ITGA7: variants seen among roughly 807,000 people sequenced by gnomAD.
ITGA7 encodes the protein integrin alpha-7.
A neutral mutation model predicts 131.6 loss-of-function variants in ITGA7; 84 were observed. The observed-to-expected ratio is 0.64, with a 90% CI of 0.54 to 0.77. ITGA7 has a LOEUF of 0.77. Ranked by LOEUF, ITGA7 falls within the 30% of genes least tolerant of loss-of-function variation. The probability of loss-of-function intolerance (pLI) is 0.00; values close to 1 mark genes in which losing one functional copy is unlikely to be tolerated. For synonymous variants in ITGA7, 548 were observed against 600.7 expected, an observed-to-expected ratio of 0.91 and a Z score of 1.28; for missense variants, 1,399 against 1,482.9, an observed-to-expected ratio of 0.94 and a Z score of 0.93.
chr12:55,700,739 C>T (rs1405419911), intron 4 of ITGA7, 160 bp downstream of exon 4: 7 of 913,674 alleles, frequency 7.7e-6, no homozygotes, highest in Non-Finnish European at 1.0e-5. Flanking sequence ...ACCCCCCATT[C>T]ATGTGTGCAC....
Position 55,702,886 on chromosome 12 carries a change from C to A in ITGA7, c.400G>T (p.Gly134Trp). The A allele has an allele frequency of 6.2e-7, 1 of 1,613,084 alleles. No homozygotes were observed. The highest frequency in any genetic ancestry group is 1.1e-5 in the South Asian group (1 of 91,080). The change falls in exon 3 of 25, where the codon GGG becomes TGG. Residue 134 changes from glycine to tryptophan, a missense_variant. Gly to Trp is a radical substitution (Grantham distance 184). Coordinates refer to ENST00000257879, the MANE Select transcript of ITGA7 (RefSeq NM_002206.3). ...LGVSVRSQGP[G>W]GKIVTCAHRY... The stretch of plus-strand genomic sequence containing the variant: ...GCAATACTCACAACAATCTTGCCCC[C>A]AGGCCCCTGGCTCCGAACACTGACT...
chr12:55,694,211 A>G lies in ITGA7; in HGVS notation c.2432+45T>C, dbSNP rs779182568. The stretch of plus-strand genomic sequence containing the variant: ...CCCTGGCCAAGGTTTGGAAATGTCA[A>G]TGCCCCCTCCCTCCAATGGAGGTGC... On this transcript the variant is annotated intron_variant, in intron 18 of 24. Transcript: ENST00000257879. The surrounding 1 kb of genome is among the most constrained non-coding windows in gnomAD (Gnocchi z 5.3). The G allele has an allele frequency of 1.6e-5, 25 of 1,612,850 alleles. No individual in the cohort carries two copies. In the African/African-American group the frequency reaches 1.7e-4, roughly 11 times the overall value.
chr12:55,709,398 G>T (rs983997641), upstream of ITGA7, among the ~76,000 whole-genome samples: 2 of 152,202 alleles, frequency 1.3e-5, no homozygotes, highest in Admixed American at 1.3e-4. Flanking sequence ...CCCTGGGACA[G>T]TCTTTGCCTT....
rs1592406488 is a variant in ITGA7 at position 55,688,814 on chromosome 12, A to C, written c.2958+30T>G. 7 of 1,536,656 alleles carry C rather than the reference A, an allele frequency of 4.6e-6. No individual in the cohort carries two copies. In the East Asian group the frequency reaches 1.6e-4, roughly 34 times the overall value. On this transcript the variant is annotated intron_variant, in intron 22 of 24. Coordinates refer to ENST00000257879, the MANE Select transcript of ITGA7 (RefSeq NM_002206.3). Reference sequence around the variant, plus strand: ...TGGAGGGGCTTTGGAGGAAGAAGAAACACAGACTAGAGCCGAGTGGTATCC... The same window carrying C: ...TGGAGGGGCTTTGGAGGAAGAAGAACCACAGACTAGAGCCGAGTGGTATCC...
At chr12:55,690,123 G>A (rs2135967967) in intron 21 of ITGA7, among the ~76,000 whole-genome samples, 1 of 152,214 alleles carries the variant, frequency 6.6e-6, no homozygotes, top group African/African-American at 2.4e-5. Context: ...TGACAAATGG[G>A]ATCTAATTAA....
Position 55,693,676 on chromosome 12 carries a change from G to C in ITGA7, c.2535+345C>G, listed in dbSNP as rs868745014. Among the ~76,000 whole-genome samples the C allele has an allele frequency of 7.2e-5, 11 of 152,120 alleles. No individual in the cohort carries two copies. The East Asian group carries it at 2.1e-3, about 29-fold the overall frequency. ...CCCTGGAAGTGTCCCTGGAAGGTGT[G>C]AGGAGAGGCCCCAGCCAAGCAAAGG... On this transcript the variant is annotated intron_variant, in intron 19 of 24. Coordinates refer to ENST00000257879, the MANE Select transcript of ITGA7 (RefSeq NM_002206.3).
chr12:55,690,027 A>G (rs1871085067), intron 21 of ITGA7, among the ~76,000 whole-genome samples: 1 of 152,224 alleles, frequency 6.6e-6, no homozygotes, highest in South Asian at 2.1e-4. Flanking sequence ...CCTAGAAGAA[A>G]ACCTAGGAAT....
At chr12:55,697,096 G>A (rs943974597) in intron 11 of ITGA7, 28 bp from the exon 12 acceptor site, 16 of 1,609,308 alleles carry the variant, frequency 9.9e-6, no homozygotes, top group Middle Eastern at 1.7e-4. Context: ...AGGAGGAGCT[G>A]CTGAGCTGCA....
chr12:55,702,985 A>C (rs1326062885), intron 2 of ITGA7, 34 bp from the exon 3 acceptor site: 1 of 1,613,400 alleles, frequency 6.2e-7, no homozygotes, highest in Non-Finnish European at 8.5e-7. Context: ...AGGGGAGGGA[A>C]GAGGAGCCCA....
upstream of ITGA7, among the ~76,000 whole-genome samples, chr12:55,715,212 C>A (rs1419147456): frequency 6.6e-6 from 1 of 152,128 alleles, no homozygotes; most frequent in African/African-American, 2.4e-5. Context: ...TGTTTAGATT[C>A]TAATGCTTAG....
chr12:55,697,905 C>G (rs758735826), intron 8 of ITGA7, 33 bp downstream of exon 8: 2 of 1,614,102 alleles, frequency 1.2e-6, no homozygotes, highest in South Asian at 1.1e-5. Context: ...ATTCCACCCA[C>G]ACCCATTCCC....
upstream of ITGA7, chr12:55,716,153 A>C (rs761170286): frequency 6.2e-7 from 1 of 1,612,342 alleles, no homozygotes; most frequent in Non-Finnish European, 8.5e-7. Flanking sequence ...CCCGCCTCCT[A>C]AAAGAACACC....
At chr12:55,689,350 A>C (rs1356368622) in intron 21 of ITGA7, among the ~76,000 whole-genome samples, 1 of 152,240 alleles carries the variant, frequency 6.6e-6, no homozygotes, top group Non-Finnish European at 1.5e-5. Context: ...CAAGGAGGCC[A>C]AGCGACCTGC....
upstream of ITGA7, among the ~76,000 whole-genome samples, chr12:55,710,645 T>C (rs542904740): frequency 6.6e-6 from 1 of 151,460 alleles, no homozygotes; most frequent in African/African-American, 2.4e-5. Context: ...AAATCTGTGG[T>C]CCCAGCTACT....
chr12:55,686,165 C>A, intron 24 of ITGA7: 3 of 1,171,688 alleles, frequency 2.6e-6, no homozygotes, highest in Middle Eastern at 2.2e-4. Flanking sequence ...CATACATACC[C>A]ACACACACTA....
chr12:55,685,079 A>T lies in ITGA7; in HGVS notation c.3393T>A (p.His1131Gln), dbSNP rs1253466660. 4 of 1,596,644 alleles carry T rather than the reference A, an allele frequency of 2.5e-6. No individual in the cohort carries two copies. The African/African-American group carries it at 4.0e-5, about 16-fold the overall frequency. ...DGHPELGPDG[H>Q]PGPGTA Reference sequence around the variant, plus strand: ...GAACCTAGGCGGTGCCTGGCCCTGGATGCCCATCGGGGCCCAGCTCGGGAT... The same window carrying T: ...GAACCTAGGCGGTGCCTGGCCCTGGTTGCCCATCGGGGCCCAGCTCGGGAT... The change falls in exon 25 of 25, where the codon CAT (histidine) becomes CAA (glutamine). Residue 1131 changes from histidine (H) to glutamine (Q), a missense_variant. Transcript: ENST00000257879.
chr12:55,689,958 T>G (rs1016904996), intron 21 of ITGA7, among the ~76,000 whole-genome samples: 1 of 152,188 alleles, frequency 6.6e-6, no homozygotes, highest in South Asian at 2.1e-4. Context: ...TAACACCTTA[T>G]ACAAAAATTA....
chr12:55,688,737 G>C, intron 22 of ITGA7, 107 bp downstream of exon 22: 2 of 798,042 alleles, frequency 2.5e-6, no homozygotes, highest in African/African-American at 3.6e-5. Flanking sequence ...AAAAAAAAAA[G>C]GGGGGGGATG....
At chr12:55,712,312 A>C (rs1334877257), upstream of ITGA7, 1 of 1,419,860 alleles carries the variant, frequency 7.0e-7, no homozygotes, top group African/African-American at 1.4e-5. Flanking sequence ...CACTGGCTTC[A>C]GGCCAACATT....
Sources: allele counts gnomAD v4.1 joint callset (sites outside exome capture counted in the v4.1 genomes callset), GRCh38; gene constraint gnomAD v4.1.1; non-coding constraint Gnocchi (gnomAD v3.1); transcripts MANE v1.5; gene names NCBI Gene and HGNC (gene_info 2026-07-23, HGNC 2026-07-21).